The following AUTS2 variants were observed in gnomAD, a reference collection of about 807,000 sequenced individuals.
AUTS2 encodes autism susceptibility gene 2 protein.
Under a neutral mutation model 112.4 loss-of-function variants are expected in AUTS2, and 17 were observed. The ratio of observed to expected loss-of-function variants is 0.15; its 90% CI spans 0.10 to 0.23. AUTS2 has a LOEUF of 0.23. Ranked by LOEUF, AUTS2 falls within the 10% of genes least tolerant of loss-of-function variation. The probability of loss-of-function intolerance (pLI) is 1.00; values close to 1 mark genes in which losing one functional copy is unlikely to be tolerated. For missense variants in AUTS2, 1,510 were observed against 1,701.6 expected (o/e 0.89, Z 1.98); for synonymous variants, 751 against 702.7 (o/e 1.07, Z -1.09).
intron 2 of AUTS2, among the ~76,000 whole-genome samples, chr7:69,983,722 G>A (rs1798391041): frequency 6.6e-6 from 1 of 152,170 alleles, no homozygotes; most frequent in South Asian, 2.1e-4. Flanking sequence ...TCAATGTTAT[G>A]AAAATGAAAT....
chr7:70,661,551 C>G (rs906604784), intron 5 of AUTS2, among the ~76,000 whole-genome samples: 3 of 152,202 alleles, frequency 2.0e-5, no homozygotes, highest in Non-Finnish European at 2.9e-5. Flanking sequence ...TGGGCAACTT[C>G]CTTAGCTTTA....
At chr7:70,406,247 G>A (rs1464387386) in intron 4 of AUTS2, among the ~76,000 whole-genome samples, 2 of 152,114 alleles carry the variant, frequency 1.3e-5, no homozygotes, top group Non-Finnish European at 2.9e-5. Context: ...CAGAGGACAT[G>A]GGGAGTGAGA....
At chr7:70,530,847 C>A (rs1021002169) in intron 5 of AUTS2, among the ~76,000 whole-genome samples, 1 of 152,100 alleles carries the variant, frequency 6.6e-6, no homozygotes, top group Middle Eastern at 3.2e-3. Context: ...CTAGCTCTGC[C>A]CCAACATTCA....
intron 2 of AUTS2, among the ~76,000 whole-genome samples, chr7:70,108,191 A>C (rs1357758882): frequency 1.3e-5 from 2 of 152,108 alleles, no homozygotes; most frequent in African/African-American, 4.8e-5. Context: ...TTTTGGCTGC[A>C]CTTGAAATGA....
chr7:70,401,278 A>G (rs1238492982), intron 4 of AUTS2, among the ~76,000 whole-genome samples: 1 of 152,082 alleles, frequency 6.6e-6, no homozygotes, highest in Non-Finnish European at 1.5e-5. Flanking sequence ...CTTCCCTGCA[A>G]GTTCCCTGAG....
intron 1 of AUTS2, among the ~76,000 whole-genome samples, chr7:69,829,244 A>G (rs1791391202): frequency 6.6e-6 from 1 of 152,212 alleles, no homozygotes; most frequent in Admixed American, 6.5e-5. Context: ...AATTAACTCA[A>G]GATGGATTAA....
chr7:70,111,638 C>A (rs974029341), intron 2 of AUTS2, among the ~76,000 whole-genome samples: 2 of 152,046 alleles, frequency 1.3e-5, no homozygotes, highest in Non-Finnish European at 2.9e-5. Flanking sequence ...TGCTGTGTTT[C>A]TTCAGATTTT....
chr7:70,110,926 C>T (rs1369277059), intron 2 of AUTS2, among the ~76,000 whole-genome samples: 4 of 140,016 alleles, frequency 2.9e-5, no homozygotes, highest in Admixed American at 7.8e-5. Flanking sequence ...GGCTGGAGCG[C>T]AGTGGCGCGA....
intron 1 of AUTS2, among the ~76,000 whole-genome samples, chr7:69,654,161 C>G (rs1247287514): frequency 1.3e-5 from 2 of 152,158 alleles, no homozygotes; most frequent in Non-Finnish European, 2.9e-5. Context: ...TTTTCTTGCC[C>G]AATTTGCCAG....
At chr7:70,045,930 A>G (rs1801485432) in intron 2 of AUTS2, among the ~76,000 whole-genome samples, 1 of 151,772 alleles carries the variant, frequency 6.6e-6, no homozygotes, top group South Asian at 2.1e-4. Flanking sequence ...TGGCCTTGCA[A>G]CTCACATTAT....
chr7:69,758,871 A>G (rs1306074438), intron 1 of AUTS2, among the ~76,000 whole-genome samples: 2 of 152,124 alleles, frequency 1.3e-5, no homozygotes, highest in Non-Finnish European at 2.9e-5. Context: ...TAATGTAGAA[A>G]ATGTGCTGTG....
intron 4 of AUTS2, among the ~76,000 whole-genome samples, chr7:70,399,907 A>G (rs748990224): frequency 2.6e-5 from 4 of 152,216 alleles, no homozygotes; most frequent in Non-Finnish European, 4.4e-5. Context: ...GTGGTAAGCT[A>G]TTCAGAGAGT....
At chr7:70,239,314 T>A (rs1812484852) in intron 4 of AUTS2, among the ~76,000 whole-genome samples, 1 of 152,206 alleles carries the variant, frequency 6.6e-6, no homozygotes, top group African/African-American at 2.4e-5. Context: ...TTTGAGAAGA[T>A]GATTTTTCAG....
intron 5 of AUTS2, among the ~76,000 whole-genome samples, chr7:70,683,490 G>A (rs1448599409): frequency 6.6e-6 from 1 of 152,196 alleles, no homozygotes. Context: ...CTCCAAAGCA[G>A]TATCTTGTTC....
At chr7:69,619,471 A>G (rs1216871936) in intron 1 of AUTS2, among the ~76,000 whole-genome samples, 1 of 152,174 alleles carries the variant, frequency 6.6e-6, no homozygotes, top group African/African-American at 2.4e-5. Flanking sequence ...GTGGGATGGT[A>G]GTTGAGGGCC....
chr7:69,964,891 T>G (rs990302732), intron 2 of AUTS2, among the ~76,000 whole-genome samples: 1 of 151,950 alleles, frequency 6.6e-6, no homozygotes, highest in African/African-American at 2.4e-5. Flanking sequence ...GACCATGAGC[T>G]CCTCTGGCCT....
chr7:70,156,890 G>GCAAAAAA (rs1357928695), intron 4 of AUTS2, among the ~76,000 whole-genome samples: 1 of 6,010 alleles, frequency 1.7e-4, no homozygotes, highest in Non-Finnish European at 2.9e-4. Context: ...TCTACTAAAA[G>GCAAAAAA]TAAAAAAAAA....
rs572136988 is a variant in AUTS2, at chr7:69,745,807, G to T, written c.309+145845G>T. 1.1e-4 allele frequency among the ~76,000 whole-genome samples: 16 copies of T among 152,214 alleles called. No individual in the cohort carries two copies. In the East Asian group the frequency reaches 3.1e-3, roughly 29 times the overall value. ...ACGGGATTTTGAGTATTCTGTGTGG[G>T]TTTAGTAGATGTCTTGCCAATTGTG... On this transcript the variant is annotated intron_variant, in intron 1 of 18. Coordinates refer to ENST00000342771, the MANE Select transcript of AUTS2 (RefSeq NM_015570.4).
intron 4 of AUTS2, among the ~76,000 whole-genome samples, chr7:70,187,302 C>G (rs554735274): frequency 6.6e-6 from 1 of 152,166 alleles, no homozygotes; most frequent in South Asian, 2.1e-4. Context: ...ATGTTGATCA[C>G]TTTTTGTTTG....
Sources: allele counts gnomAD v4.1 joint callset (sites outside exome capture counted in the v4.1 genomes callset), GRCh38; gene constraint gnomAD v4.1.1; transcripts MANE v1.5; gene names NCBI Gene and HGNC (gene_info 2026-07-23, HGNC 2026-07-21).